Variants in NOL4 observed in about 807,000 individuals in gnomAD.
NOL4 encodes the protein nucleolar protein 4.
In NOL4, 17 loss-of-function variants were observed where a neutral mutation model predicts 75.9. That is an observed-to-expected ratio of 0.22 (90% CI 0.15 to 0.34). NOL4 has a LOEUF of 0.34. Ranked by LOEUF, NOL4 falls within the 10% of genes least tolerant of loss-of-function variation. The pLI, the probability that NOL4 is intolerant of heterozygous loss-of-function variation, is 1.00. For synonymous variants in NOL4, 292 were observed against 289.9 expected, an observed-to-expected ratio of 1.01 and a Z score of -0.07; for missense variants, 614 against 793.5, an observed-to-expected ratio of 0.77 and a Z score of 2.72.
chr18:34,157,835 G>A (rs1223762946), intron 1 of NOL4, among the ~76,000 whole-genome samples: 1 of 152,126 alleles, frequency 6.6e-6, no homozygotes, highest in Non-Finnish European at 1.5e-5. Context: ...TAGGAATCCA[G>A]GTGACCTTTG....
At chr18:33,889,735 A>G (rs1048373072) in intron 9 of NOL4, among the ~76,000 whole-genome samples, 3 of 152,178 alleles carry the variant, frequency 2.0e-5, no homozygotes, top group African/African-American at 7.2e-5. Flanking sequence ...GGTTCAACAT[A>G]CACAAATCAA....
At chr18:34,020,596 C>T (rs908501407) in intron 5 of NOL4, among the ~76,000 whole-genome samples, 1 of 151,978 alleles carries the variant, frequency 6.6e-6, no homozygotes, top group Admixed American at 6.6e-5. Flanking sequence ...TTAGAAATGA[C>T]CTAAATTACC....
At chr18:33,888,302 T>A (rs1446436907) in intron 9 of NOL4, among the ~76,000 whole-genome samples, 2 of 152,212 alleles carry the variant, frequency 1.3e-5, no homozygotes, top group Non-Finnish European at 2.9e-5. Context: ...GAGTTCATTG[T>A]AGATTCTGGA....
At position 34,224,816 on chromosome 18, in the gene NOL4, A is replaced by C; in HGVS notation, c.-1563T>G. 6.5e-6 allele frequency: 1 copy of C among 154,762 alleles called. No homozygotes were observed. The highest frequency in any genetic ancestry group is 1.4e-5 in the Non-Finnish European group (1 of 69,674). The allele number at this position is 154,762 out of a possible 1,614,324, so 9.6% of individuals were successfully genotyped here. A position where few individuals can be genotyped will look rare whatever the true frequency, so the allele number is the denominator to read the frequency against. ...AAGGGAGCGAGGGTGTGCGGTGTGC[A>C]GGGGGTGCGCTGTGTGTGCGCGCGT... On this transcript the variant is annotated 5_prime_UTR_variant, in exon 1 of 11. Coordinates refer to ENST00000261592, the MANE Select transcript of NOL4 (RefSeq NM_003787.5).
At chr18:34,075,762 A>G (rs898807597) in intron 5 of NOL4, among the ~76,000 whole-genome samples, 2 of 152,204 alleles carry the variant, frequency 1.3e-5, no homozygotes, top group Non-Finnish European at 2.9e-5. Flanking sequence ...TTTCACATGG[A>G]TAACTGTTAC....
At chr18:33,990,781 G>A (rs1297015815) in intron 6 of NOL4, among the ~76,000 whole-genome samples, 1 of 151,746 alleles carries the variant, frequency 6.6e-6, no homozygotes, top group Non-Finnish European at 1.5e-5. Context: ...TGGCATCCCT[G>A]TCCTGAGTGA....
chr18:34,130,115 C>T, intron 1 of NOL4, 95 bp from the exon 2 acceptor site: 2 of 1,223,398 alleles, frequency 1.6e-6, no homozygotes, highest in Non-Finnish European at 2.1e-6. Context: ...TTTTTATAAC[C>T]TCAACAAAAT....
chr18:34,158,721 A>G (rs562511574), intron 1 of NOL4: 1 of 152,336 alleles, frequency 6.6e-6, no homozygotes, highest in Admixed American at 6.5e-5. Context: ...GGGATTCTAC[A>G]TATCTGCTGT....
At chr18:33,970,128 T>C (rs1221115442) in intron 6 of NOL4, among the ~76,000 whole-genome samples, 1 of 152,138 alleles carries the variant, frequency 6.6e-6, no homozygotes, top group Non-Finnish European at 1.5e-5. Flanking sequence ...ACACTTTGAG[T>C]TCTTAGTGTT....
intron 9 of NOL4, among the ~76,000 whole-genome samples, chr18:33,932,837 A>T (rs557501450): frequency 1.1e-4 from 17 of 152,244 alleles, no homozygotes; most frequent in Admixed American, 5.9e-4. Context: ...TATAAAAAGT[A>T]TGGCAATTAT....
intron 5 of NOL4, among the ~76,000 whole-genome samples, chr18:34,031,591 TAAG>T (rs2144662104): frequency 6.6e-6 from 1 of 152,254 alleles, no homozygotes; most frequent in African/African-American, 2.4e-5. Context: ...CCTCCTTCAC[TAAG>T]AAGAAACAAA....
intron 6 of NOL4, among the ~76,000 whole-genome samples, chr18:34,007,370 A>G (rs969816625): frequency 9.2e-5 from 14 of 151,942 alleles, no homozygotes; most frequent in African/African-American, 3.4e-4. Flanking sequence ...AATAACCCAT[A>G]CTCTTCAAAA....
chr18:34,015,702 A>G (rs1733531266), intron 6 of NOL4, among the ~76,000 whole-genome samples: 1 of 151,972 alleles, frequency 6.6e-6, no homozygotes, highest in Admixed American at 6.6e-5. Context: ...TCCATCCTGT[A>G]CCTTTCTTCA....
intron 1 of NOL4, 151 bp from the exon 2 acceptor site, chr18:34,130,171 AT>A: frequency 1.6e-6 from 1 of 643,126 alleles, no homozygotes; most frequent in Non-Finnish European, 2.3e-6. Context: ...ATATTTCAAT[AT>A]TTTATGCATT....
chr18:34,150,288 A>G (rs2146080275), intron 1 of NOL4, among the ~76,000 whole-genome samples: 1 of 151,788 alleles, frequency 6.6e-6, no homozygotes, highest in South Asian at 2.1e-4. Context: ...AGCCAACACA[A>G]TATTAAAGGA....
At chr18:34,036,905 C>T (rs1183850739) in intron 5 of NOL4, among the ~76,000 whole-genome samples, 1 of 152,146 alleles carries the variant, frequency 6.6e-6, no homozygotes, top group East Asian at 1.9e-4. Context: ...GCACTCCTGC[C>T]TGGGCAATAG....
At position 34,223,418 on chromosome 18, in the gene NOL4, G is replaced by A; in HGVS notation, c.-165C>T. The stretch of plus-strand genomic sequence containing the variant: ...GAAGGGATGGGAAGAGGGGAGGAGG[G>A]TCCGGTTGGGCACCAGCAATCAATG... On this transcript the variant is annotated 5_prime_UTR_variant, in exon 1 of 11. Transcript: ENST00000261592. 1.1e-6 allele frequency: 1 copy of A among 916,702 alleles called. No individual in the cohort carries two copies. The highest frequency in any genetic ancestry group is 1.7e-5 in the South Asian group (1 of 57,870). 56.8% of individuals were successfully genotyped at this position (916,702 alleles called of 1,614,324 possible).
At chr18:34,087,193 A>G (rs1486746882) in intron 5 of NOL4, among the ~76,000 whole-genome samples, 1 of 152,118 alleles carries the variant, frequency 6.6e-6, no homozygotes, top group African/African-American at 2.4e-5. Flanking sequence ...ATGAATCTGT[A>G]TTTTTAAAAT....
chr18:34,014,237 A>G (rs1182468685), intron 6 of NOL4, among the ~76,000 whole-genome samples: 1 of 151,630 alleles, frequency 6.6e-6, no homozygotes, highest in South Asian at 2.2e-4. Context: ...GAAAAAAGTT[A>G]CATGAAACAC....
Sources: allele counts gnomAD v4.1 joint callset (sites outside exome capture counted in the v4.1 genomes callset), GRCh38; gene constraint gnomAD v4.1.1; transcripts MANE v1.5; gene names NCBI Gene and HGNC (gene_info 2026-07-23, HGNC 2026-07-21).